The following TAFAZZIN variants were observed in gnomAD, a reference collection of about 807,000 sequenced individuals.
TAFAZZIN encodes the protein tafazzin, phospholipid-lysophospholipid transacylase, also known as protein G4.5.
A neutral mutation model predicts 27.3 loss-of-function variants in TAFAZZIN; 6 were observed. The observed-to-expected ratio is 0.22, with a 90% CI of 0.12 to 0.43. The LOEUF (loss-of-function observed/expected upper bound fraction) is 0.43, where lower values mean the gene tolerates loss of function less well. Ranked by LOEUF, TAFAZZIN falls within the 20% of genes least tolerant of loss-of-function variation. TAFAZZIN has a pLI of 1.00. For missense variants in TAFAZZIN, 127 were observed against 244.5 expected, an observed-to-expected ratio of 0.52 and a Z score of 3.21; for synonymous variants, 79 against 96.2, an observed-to-expected ratio of 0.82 and a Z score of 1.04.
intron 5 of TAFAZZIN, among the ~76,000 whole-genome samples, chrX:154,415,986 C>T (rs1309567900): frequency 5.7e-5 from 6 of 104,390 alleles, no homozygotes; most frequent in East Asian, 3.1e-4. Flanking sequence ...CTGCCAGGCG[C>T]GGTGGCTCAT....
Position 154,420,208 on chromosome X carries a change from G to T in TAFAZZIN, c.647-4G>T, listed in dbSNP as rs1557194148. 1 of 1,209,841 alleles carries T rather than the reference G, an allele frequency of 8.3e-7. No homozygotes were observed. The highest frequency in any genetic ancestry group is 3.0e-5 in the East Asian group (1 of 33,757). On this transcript the variant is annotated splice_polypyrimidine_tract_variant and splice_region_variant and intron_variant, in intron 8 of 10. Transcript: ENST00000601016. Reference sequence around the variant, plus strand: ...CGTCTGGCCTTCTGTCCACTGTGCTGCAGGAATGAATGACGTCCTTCCTAA... The same window carrying T: ...CGTCTGGCCTTCTGTCCACTGTGCTTCAGGAATGAATGACGTCCTTCCTAA...
At chrX:154,419,429 C>T in intron 5 of TAFAZZIN, 114 bp from the exon 6 acceptor site, 1 of 794,124 alleles carries the variant, frequency 1.3e-6, no homozygotes, top group East Asian at 3.2e-5. Context: ...AACACATGGG[C>T]CCCAGGGAGA....
chrX:154,415,621 G>A (rs1283936072), intron 5 of TAFAZZIN, among the ~76,000 whole-genome samples: 3 of 111,557 alleles, frequency 2.7e-5, no homozygotes, highest in African/African-American at 6.5e-5. Context: ...GGTGGCTCAC[G>A]CCTGTAATCC....
intron 4 of TAFAZZIN, chrX:154,413,769 G>A: frequency 2.2e-6 from 1 of 451,268 alleles, no homozygotes; most frequent in East Asian, 3.7e-5. Context: ...CTCTGCAACT[G>A]CCCAGGGATC....
intron 2 of TAFAZZIN, 169 bp downstream of exon 2, chrX:154,412,383 C>T: frequency 1.5e-6 from 1 of 662,365 alleles, no homozygotes; most frequent in East Asian, 3.6e-5. Flanking sequence ...CCTGCAGCAT[C>T]CCTGAGGGAG....
rs1018582644 is a variant in TAFAZZIN, at chrX:154,411,575, C to T, written c.-269C>T. The T allele has an allele frequency of 3.7e-5, 15 of 404,670 alleles. No homozygotes were observed. In the African/African-American group the frequency reaches 3.9e-4, roughly 11 times the overall value. The allele number at this position is 404,670 out of a possible 1,213,427, so 33.3% of individuals were successfully genotyped here. A position where few individuals can be genotyped will look rare whatever the true frequency, so the allele number is the denominator to read the frequency against. On this transcript the variant is annotated 5_prime_UTR_variant, in exon 1 of 11. Transcript: ENST00000601016. Reference sequence around the variant, plus strand: ...GTTGCACCGGGCCGGGGTGCCAGCGCCCGCCTTCCCGTTTCCTCCCGTTCC... The same window carrying T: ...GTTGCACCGGGCCGGGGTGCCAGCGTCCGCCTTCCCGTTTCCTCCCGTTCC...
intron 5 of TAFAZZIN, chrX:154,419,124 T>G: frequency 2.9e-5 from 5 of 171,688 alleles, no homozygotes; most frequent in East Asian, 1.5e-4. Flanking sequence ...TCTTTGAGAG[T>G]GTGCAGGAGT....
intron 7 of TAFAZZIN, 79 bp downstream of exon 7, chrX:154,419,825 C>T (rs1346270567): frequency 4.9e-5 from 58 of 1,179,612 alleles, no homozygotes; most frequent in Middle Eastern, 3.0e-4. Flanking sequence ...CCCGCCCCCT[C>T]GGGCTGGCTT....
chrX:154,415,925 C>T (rs1432596012), intron 5 of TAFAZZIN, among the ~76,000 whole-genome samples: 2 of 103,509 alleles, frequency 1.9e-5, no homozygotes, highest in African/African-American at 7.1e-5. Flanking sequence ...TTTGACTGTG[C>T]TCTCTCATCC....
chrX:154,415,210 C>T (rs782726157), intron 5 of TAFAZZIN, among the ~76,000 whole-genome samples: 51 of 109,365 alleles, frequency 4.7e-4, no homozygotes, highest in Non-Finnish European at 7.4e-4. Flanking sequence ...CCTGTCACCT[C>T]AGCCTCCTGA....
In TAFAZZIN at chrX:154,421,615, G is replaced by A. The variant is rs1376801681; in HGVS notation, c.*611G>A. 3 of 329,166 alleles carry A rather than the reference G, an allele frequency of 9.1e-6. No individual in the cohort carries two copies. Among genetic ancestry groups the A allele is most frequent in the South Asian group, 2.6e-5 (1 of 38,432 alleles). The allele number at this position is 329,166 out of a possible 1,213,427, so 27.1% of individuals were successfully genotyped here. A position where few individuals can be genotyped will look rare whatever the true frequency, so the allele number is the denominator to read the frequency against. ...TCTGGCTGCTTGCCCCCATGCTGGCGCCAACAACTTCTCCATCCTTTCTGC... is the reference window on the plus strand; with the variant it reads ...TCTGGCTGCTTGCCCCCATGCTGGCACCAACAACTTCTCCATCCTTTCTGC... On this transcript the variant is annotated 3_prime_UTR_variant, in exon 11 of 11. Transcript: ENST00000601016.
chrX:154,416,032 G>A (rs1557192833), intron 5 of TAFAZZIN, among the ~76,000 whole-genome samples: 3 of 110,750 alleles, frequency 2.7e-5, no homozygotes, highest in East Asian at 2.8e-4. Flanking sequence ...GCCGAGGCGG[G>A]TGGTTCACCT....
In TAFAZZIN at chrX:154,419,756, G is replaced by A. The variant is rs370536414; in HGVS notation, c.583+10G>A. 47 of 1,211,130 alleles carry A rather than the reference G, an allele frequency of 3.9e-5. No homozygotes were observed. The highest frequency in any genetic ancestry group is 4.4e-5 in the Non-Finnish European group (39 of 895,390). ...CTGCGTTTCAAGTGGGGTAAGGGCTGCTGGTCTCTGGCCACAGCCATCCTC... is the reference window on the plus strand; with the variant it reads ...CTGCGTTTCAAGTGGGGTAAGGGCTACTGGTCTCTGGCCACAGCCATCCTC... On this transcript the variant is annotated intron_variant, in intron 7 of 10. Transcript: ENST00000601016.
chrX:154,412,080 C>G lies in TAFAZZIN; in HGVS notation c.110-6C>G, dbSNP rs782099193. ...CCGGAGCGCCTGACTTCTCCTTCCC[C>G]GCCAGAGTACATGAACCACCTGACC... On this transcript the variant is annotated splice_polypyrimidine_tract_variant and splice_region_variant and intron_variant, in intron 1 of 10. Transcript: ENST00000601016. 9 of 1,208,834 alleles carry G rather than the reference C, an allele frequency of 7.4e-6. No homozygotes were observed. Among genetic ancestry groups the G allele is most frequent in the Non-Finnish European group, 1.0e-5 (9 of 894,629 alleles).
intron 4 of TAFAZZIN, 149 bp from the exon 5 acceptor site, chrX:154,413,952 T>C: frequency 2.0e-6 from 1 of 510,239 alleles, no homozygotes; most frequent in Non-Finnish European, 3.6e-6. Flanking sequence ...CAAACAGGCT[T>C]GTGGGGTGAG....
At chrX:154,412,562 G>A (rs1206414741) in intron 2 of TAFAZZIN, 1 of 252,974 alleles carries the variant, frequency 4.0e-6, no homozygotes, top group Non-Finnish European at 7.1e-6. Context: ...ATCCTGTGAG[G>A]AAGTTCTGGG....
rs1329780727 is a variant in TAFAZZIN, at chrX:154,421,157, G to A, written c.*153G>A. On this transcript the variant is annotated 3_prime_UTR_variant, in exon 11 of 11. Transcript: ENST00000601016. ...AGCTGGTAGGCATTCCAGCTCCTCC[G>A]TGCTTCCTCAGTTACACAAAGGACC... 14 of 540,555 alleles carry A rather than the reference G, an allele frequency of 2.6e-5. No individual in the cohort carries two copies. Among genetic ancestry groups the A allele is most frequent in the Non-Finnish European group, 4.2e-5 (13 of 312,931 alleles). The allele number at this position is 540,555 out of a possible 1,213,427, so 44.5% of individuals were successfully genotyped here.
Position 154,411,861 on chromosome X carries a change from G to T in TAFAZZIN, c.18G>T (p.Lys6Asn), listed in dbSNP as rs782245384. MPLHV[K>N]WPFPAVPPLT... ...GGGTGGGGATGCCTCTGCACGTGAAGTGGCCGTTCCCCGCGGTGCCGCCGC... is the reference window on the plus strand; with the variant it reads ...GGGTGGGGATGCCTCTGCACGTGAATTGGCCGTTCCCCGCGGTGCCGCCGC... Residue 6 changes from lysine (K) to asparagine (N), a missense_variant, in exon 1 of 11, where the codon AAG becomes AAT. This residue lies in a region of TAFAZZIN where 17 missense variants were observed against 16.2 expected (regional missense o/e 1.05). Transcript: ENST00000601016. The T allele has an allele frequency of 5.8e-6, 7 of 1,200,572 alleles. No individual in the cohort carries two copies. Among genetic ancestry groups the T allele is most frequent in the Non-Finnish European group, 7.8e-6 (7 of 892,325 alleles).
rs782573681 is a variant in TAFAZZIN at position 154,413,149 on chromosome X, G to A, written c.239-58G>A. The A allele has an allele frequency of 2.5e-6, 3 of 1,205,334 alleles. No individual in the cohort carries two copies. The South Asian group carries it at 5.3e-5, about 21-fold the overall frequency. ...CCTCATTCCCTGAGATGGGGTGAAG[G>A]AAGGGCACTCCCTGGGGATATGGGA... On this transcript the variant is annotated intron_variant, in intron 2 of 10. Coordinates refer to ENST00000601016, the MANE Select transcript of TAFAZZIN (RefSeq NM_000116.5).
Sources: gnomAD v4.1 joint callset for allele counts (sites outside exome capture counted in the v4.1 genomes callset) on GRCh38, gnomAD v4.1.1 for gene constraint, gnomAD v4.1.1 regional missense constraint, MANE v1.5 for transcripts, NCBI Gene and HGNC (gene_info 2026-07-23, HGNC 2026-07-21) for gene names.